Variants in ZMIZ2 observed in about 807,000 individuals in gnomAD.
ZMIZ2 encodes the protein zinc finger MIZ domain-containing protein 2.
Under a neutral mutation model 93.9 loss-of-function variants are expected in ZMIZ2, and 26 were observed. The observed-to-expected ratio is 0.28, with a 90% CI of 0.20 to 0.38. ZMIZ2 has a LOEUF of 0.38. Among genes scored for constraint, ZMIZ2 ranks in the 10% least tolerant of loss-of-function variants. ZMIZ2 has a pLI of 1.00. For missense variants in ZMIZ2, 1,023 were observed against 1,235.0 expected (o/e 0.83, Z 2.57); for synonymous variants, 485 against 516.4 (o/e 0.94, Z 0.82).
At position 44,761,654 on chromosome 7, in the gene ZMIZ2, CAG is replaced by C. The variant is rs1791193391; in HGVS notation, c.1386-40_1386-39del. ...GGCTCTGTTCCTCCTCCCACACTCTCAGGGCCCGTTTTCTGGGTGTCCACCCA... is the reference window on the plus strand; with the variant it reads ...GGCTCTGTTCCTCCTCCCACACTCTCGGCCCGTTTTCTGGGTGTCCACCCA... On this transcript the variant is annotated intron_variant, in intron 10 of 18. Transcript: ENST00000309315. The surrounding 1 kb of genome is among the most constrained non-coding windows in gnomAD (Gnocchi z 5.8). The C allele has an allele frequency of 1.9e-6, 3 of 1,613,390 alleles. No homozygotes were observed. Among genetic ancestry groups the C allele is most frequent in the South Asian group, 1.1e-5 (1 of 91,028 alleles).
At chr7:44,760,935 T>G (rs2116802685) in intron 9 of ZMIZ2, among the ~76,000 whole-genome samples, 1 of 151,946 alleles carries the variant, frequency 6.6e-6, no homozygotes, top group African/African-American at 2.4e-5. Flanking sequence ...GTTCTGTTTG[T>G]GGCTTTCTTT....
chr7:44,763,626 T>C lies in ZMIZ2; in HGVS notation c.1860+213T>C. 1.6e-6 allele frequency: 1 copy of C among 619,042 alleles called. No homozygotes were observed. Among genetic ancestry groups the C allele is most frequent in the Non-Finnish European group, 2.7e-6 (1 of 372,090 alleles). The allele number at this position is 619,042 out of a possible 1,614,324, so 38.3% of individuals were successfully genotyped here. A position where few individuals can be genotyped will look rare whatever the true frequency, so the allele number is the denominator to read the frequency against. ...CAAATATAATTGTCATTTTACTAAC[T>C]TTTTTACTGCCTGCTTCATTCATGG... On this transcript the variant is annotated intron_variant, in intron 13 of 18. Coordinates refer to ENST00000309315, the MANE Select transcript of ZMIZ2 (RefSeq NM_031449.4). This position sits in a 1 kb window ranked among gnomAD's most constrained non-coding sequence, Gnocchi z 5.6.
chr7:44,764,370 C>T (rs745524481), intron 13 of ZMIZ2, 49 bp from the exon 14 acceptor site: 3 of 1,583,310 alleles, frequency 1.9e-6, no homozygotes, highest in South Asian at 2.2e-5. Flanking sequence ...CCAGATTTTC[C>T]CTGTGCTACC....
Position 44,765,551 on chromosome 7 carries a change from C to T in ZMIZ2, c.2214C>T (p.Val738=), listed in dbSNP as rs1791623340. Residue 738 remains valine, a synonymous_variant, in exon 16 of 19, where the codon GTC becomes GTT. Transcript: ENST00000309315. This position sits in a 1 kb window ranked among gnomAD's most constrained non-coding sequence, Gnocchi z 4.1. ...TTGCCCCCCTGCAGCCCCCCTCAGTCCCTGCCCCCAGCGACTACCCTGGCC... is the reference window on the plus strand; with the variant it reads ...TTGCCCCCCTGCAGCCCCCCTCAGTTCCTGCCCCCAGCGACTACCCTGGCC... ...APFAPLQPPS[V]PAPSDYPGQG... is the part of the protein sequence containing the mutation. The T allele has an allele frequency of 8.2e-7, 1 of 1,224,486 alleles. No homozygotes were observed. Among genetic ancestry groups the T allele is most frequent in the African/African-American group, 1.6e-5 (1 of 62,062 alleles). 75.9% of individuals were successfully genotyped at this position (1,224,486 alleles called of 1,614,324 possible). A position where few individuals can be genotyped will look rare whatever the true frequency, so the allele number is the denominator to read the frequency against.
chr7:44,754,728 G>A (rs1044472190), intron 1 of ZMIZ2, among the ~76,000 whole-genome samples: 1 of 152,176 alleles, frequency 6.6e-6, no homozygotes, highest in Non-Finnish European at 1.5e-5. Flanking sequence ...TGGCAGGATG[G>A]CACCAGTGGT....
chr7:44,758,361 C>T (rs1790803316), intron 6 of ZMIZ2, among the ~76,000 whole-genome samples: 1 of 151,392 alleles, frequency 6.6e-6, no homozygotes, highest in Admixed American at 6.6e-5. Context: ...GTCATAGCTA[C>T]TTGGGAGGCA....
At position 44,765,590 on chromosome 7, in the gene ZMIZ2, C is replaced by T; in HGVS notation, c.2242+11C>T. ...ACTACCCTGGCCAGGGTAAGTACAG[C>T]AGGCTAGCCTTGAACCTCAGATGAC... On this transcript the variant is annotated intron_variant, in intron 16 of 18. Transcript: ENST00000309315. This position sits in a 1 kb window ranked among gnomAD's most constrained non-coding sequence, Gnocchi z 4.1. 1 of 1,534,192 alleles carries T rather than the reference C, an allele frequency of 6.5e-7. No individual in the cohort carries two copies. The highest frequency in any genetic ancestry group is 8.8e-7 in the Non-Finnish European group (1 of 1,140,002).
Position 44,766,588 on chromosome 7 carries a change from C to G in ZMIZ2, c.2580C>G (p.Ala860=). 6.2e-7 allele frequency: 1 copy of G among 1,613,590 alleles called. No homozygotes were observed. Among genetic ancestry groups the G allele is most frequent in the Non-Finnish European group, 8.5e-7 (1 of 1,180,016 alleles). The part of the protein sequence containing the change: ...QASLGPTGEL[A]FSPATGVMGP... ...GCTTAGGACCTACGGGTGAACTGGC[C>G]TTCAGTCCTGCCACAGGCGTGATGG... Residue 860 remains alanine (A), a synonymous_variant, in exon 18 of 19, where the codon GCC becomes GCG. Transcript: ENST00000309315. The surrounding 1 kb of genome is among the most constrained non-coding windows in gnomAD (Gnocchi z 4.4).
intron 3 of ZMIZ2, 66 bp downstream of exon 3, chr7:44,756,605 GCCT>G: frequency 6.5e-7 from 1 of 1,533,188 alleles, no homozygotes; most frequent in Admixed American, 1.7e-5. Flanking sequence ...AGTGCTTAGT[GCCT>G]CCTCAGAGCT....
intron 6 of ZMIZ2, 137 bp from the exon 7 acceptor site, chr7:44,759,144 G>A (rs892806362): frequency 2.2e-5 from 14 of 622,812 alleles, no homozygotes; most frequent in Non-Finnish European, 3.3e-5. Context: ...GTGCCTGACA[G>A]TGTCACAGCA....
Position 44,756,240 on chromosome 7 carries a change from T to A in ZMIZ2, c.-10T>A. On this transcript the variant is annotated 5_prime_UTR_variant, in exon 2 of 19. Coordinates refer to ENST00000309315, the MANE Select transcript of ZMIZ2 (RefSeq NM_031449.4). The stretch of plus-strand genomic sequence containing the variant: ...CTGTCAGACCCGGCCTGTAGGCTGC[T>A]CCATTGCCAATGAACTCCATGAACC... 1 of 1,613,972 alleles carries A rather than the reference T, an allele frequency of 6.2e-7. No homozygotes were observed. The highest frequency in any genetic ancestry group is 8.5e-7 in the Non-Finnish European group (1 of 1,179,988).
chr7:44,756,500 C>A lies in ZMIZ2; in HGVS notation c.126C>A (p.Val42=). ...AGCCGGCTGGATCGCTGTCTGTGGT[C>A]ACTACTGTGTGGGGAGTTGGCAACG... The part of the protein sequence containing the change: ...ATQPAGSLSV[V]TTVWGVGNAT... The change falls in exon 3 of 19, where the codon GTC becomes GTA. Residue 42 remains valine (V), a synonymous_variant. Coordinates refer to ENST00000309315, the MANE Select transcript of ZMIZ2 (RefSeq NM_031449.4). 2.5e-6 allele frequency: 4 copies of A among 1,614,024 alleles called. No homozygotes were observed. The South Asian group carries it at 4.4e-5, about 18-fold the overall frequency.
Position 44,759,289 on chromosome 7 carries a change from AG to A in ZMIZ2, c.825del (p.Gln276SerfsTer41). 6.5e-7 allele frequency: 1 copy of A among 1,541,918 alleles called. No homozygotes were observed. The highest frequency in any genetic ancestry group is 8.7e-7 in the Non-Finnish European group (1 of 1,145,196). ...TTTTGCCTCTTTTTCAGGTGTATCCAGGGCAGCAGTATCTGCAAGGAGGCCA... is the reference window on the plus strand; with the variant it reads ...TTTTGCCTCTTTTTCAGGTGTATCCAGGCAGCAGTATCTGCAAGGAGGCCA... ...VKRTYSEVYP[G>X]QQYLQGGQYA... On this transcript the variant is annotated frameshift_variant, in exon 7 of 19. Transcript: ENST00000309315. LOFTEE classifies it high-confidence loss of function.
At chr7:44,759,252 TCCCCTCG>T in intron 6 of ZMIZ2, 22 bp from the exon 7 acceptor site, 1 of 1,465,222 alleles carries the variant, frequency 6.8e-7, no homozygotes, top group Non-Finnish European at 9.1e-7. Context: ...GCCTTTTTTC[TCCCCTCG>T]GGCATTTTGC....
intron 11 of ZMIZ2, among the ~76,000 whole-genome samples, chr7:44,762,319 G>A (rs943753038): frequency 6.6e-6 from 1 of 152,216 alleles, no homozygotes; most frequent in African/African-American, 2.4e-5. Flanking sequence ...AATTATGTAA[G>A]AGAAACCAGG....
At chr7:44,764,802 C>G (rs766798208) in intron 14 of ZMIZ2, 139 bp from the exon 15 acceptor site, 317 of 859,482 alleles carry the variant, frequency 3.7e-4, no homozygotes, top group Non-Finnish European at 5.3e-4. Context: ...TCAGCTCACA[C>G]AGAGTTACCT....
Position 44,761,705 on chromosome 7 carries a change from G to A in ZMIZ2, c.1396G>A (p.Glu466Lys), listed in dbSNP as rs757203582. The A allele has an allele frequency of 1.9e-6, 3 of 1,614,038 alleles. No homozygotes were observed. Among genetic ancestry groups the A allele is most frequent in the Non-Finnish European group, 2.5e-6 (3 of 1,180,028 alleles). ...YKTLIMRPDL[E>K]LQFKCYHHED... ...CATCTTCCTGAGCAGGCCTGACCTG[G>A]AGCTGCAATTCAAGTGCTACCACCA... The change falls in exon 11 of 19, where the codon GAG becomes AAG. Residue 466 changes from glutamate to lysine, a missense_variant. Physicochemically the swap from Glu to Lys is moderately conservative, Grantham distance 56. This residue lies in a region of ZMIZ2 where 656 missense variants were observed against 777.1 expected (regional missense o/e 0.84). Coordinates refer to ENST00000309315, the MANE Select transcript of ZMIZ2 (RefSeq NM_031449.4). This position sits in a 1 kb window ranked among gnomAD's most constrained non-coding sequence, Gnocchi z 5.8.
Position 44,765,047 on chromosome 7 carries a change from C to A in ZMIZ2, c.1997+38C>A, listed in dbSNP as rs1483812351. ...TTCCTGTGATCCCTGCATCTGTGGC[C>A]ACTGGAGGGCAGCCCCAGGACATGT... On this transcript the variant is annotated intron_variant, in intron 15 of 18. Transcript: ENST00000309315. The surrounding 1 kb of genome is among the most constrained non-coding windows in gnomAD (Gnocchi z 4.1). 1 of 1,609,408 alleles carries A rather than the reference C, an allele frequency of 6.2e-7. No homozygotes were observed. Among genetic ancestry groups the A allele is most frequent in the Admixed American group, 1.7e-5 (1 of 59,968 alleles).
chr7:44,761,690 A>T lies in ZMIZ2; in HGVS notation c.1386-5A>T. The T allele has an allele frequency of 2.5e-6, 4 of 1,613,906 alleles. No homozygotes were observed. Among genetic ancestry groups the T allele is most frequent in the Non-Finnish European group, 3.4e-6 (4 of 1,179,974 alleles). On this transcript the variant is annotated splice_region_variant and splice_polypyrimidine_tract_variant and intron_variant, in intron 10 of 18. Coordinates refer to ENST00000309315, the MANE Select transcript of ZMIZ2 (RefSeq NM_031449.4). This position sits in a 1 kb window ranked among gnomAD's most constrained non-coding sequence, Gnocchi z 5.8. ...TTCTGGGTGTCCACCCATCTTCCTG[A>T]GCAGGCCTGACCTGGAGCTGCAATT...
Sources: gnomAD v4.1 joint callset for allele counts (sites outside exome capture counted in the v4.1 genomes callset) on GRCh38, gnomAD v4.1.1 for gene constraint, gnomAD v4.1.1 regional missense constraint, Gnocchi (gnomAD v3.1) non-coding constraint, MANE v1.5 for transcripts, NCBI Gene and HGNC (gene_info 2026-07-23, HGNC 2026-07-21) for gene names.